PCDH15: variants seen among roughly 807,000 people sequenced by gnomAD.
PCDH15 encodes protocadherin related 15.
A neutral mutation model predicts 178.5 loss-of-function variants in PCDH15; 129 were observed. The observed-to-expected ratio is 0.72, with a 90% CI of 0.63 to 0.84. The LOEUF is 0.84. PCDH15 is among the 40% of genes least tolerant of loss of function. The pLI is 0.00. For synonymous variants in PCDH15, 800 were observed against 732.0 expected, an observed-to-expected ratio of 1.09 and a Z score of -1.50; for missense variants, 2,230 against 2,099.9, an observed-to-expected ratio of 1.06 and a Z score of -1.21.
chr10:54,909,694 C>G (rs983611883), intron 2 of PCDH15, among the ~76,000 whole-genome samples: 6 of 152,076 alleles, frequency 3.9e-5, no homozygotes, highest in Admixed American at 3.9e-4. Flanking sequence ...CTGCTCCCAG[C>G]TCCCAGAGCA....
At chr10:54,848,248 T>A (rs1792086805) in intron 3 of PCDH15, among the ~76,000 whole-genome samples, 1 of 152,042 alleles carries the variant, frequency 6.6e-6, no homozygotes. Context: ...CTGGGCATGG[T>A]GGCAGACGCC....
intron 8 of PCDH15, among the ~76,000 whole-genome samples, chr10:54,298,331 C>A (rs551328696): frequency 6.6e-6 from 1 of 152,258 alleles, no homozygotes; most frequent in East Asian, 1.9e-4. Context: ...CATTATTAAA[C>A]CTGGCAACCT....
chr10:54,435,310 C>T (rs1163445980), intron 3 of PCDH15, among the ~76,000 whole-genome samples: 1 of 152,054 alleles, frequency 6.6e-6, no homozygotes, highest in African/African-American at 2.4e-5. Context: ...TTTTCTTTTT[C>T]TTTTACCTAG....
intron 2 of PCDH15, among the ~76,000 whole-genome samples, chr10:54,638,639 GA>G (rs571622714): frequency 1.8e-4 from 28 of 151,980 alleles, no homozygotes; most frequent in Admixed American, 1.6e-3. Flanking sequence ...ATTTCTCAAA[GA>G]ACTAAAGTAG....
intron 2 of PCDH15, among the ~76,000 whole-genome samples, chr10:55,615,829 T>C (rs1435734407): frequency 3.3e-5 from 5 of 152,120 alleles, no homozygotes; most frequent in Non-Finnish European, 7.4e-5. Flanking sequence ...GTCCAGGAGG[T>C]TGAGTCTGTA....
At chr10:55,544,097 G>A (rs1416402630) in intron 2 of PCDH15, among the ~76,000 whole-genome samples, 4 of 139,412 alleles carry the variant, frequency 2.9e-5, no homozygotes, top group African/African-American at 1.1e-4. Context: ...GATCAACTGA[G>A]TTTAAACATA....
chr10:53,885,785 G>A (rs1469799292), intron 26 of PCDH15, among the ~76,000 whole-genome samples: 1 of 152,022 alleles, frequency 6.6e-6, no homozygotes, highest in Non-Finnish European at 1.5e-5. Context: ...TTCCTCAGTG[G>A]AATAATATTT....
At chr10:55,499,452 C>CAA (rs1490095992) in intron 2 of PCDH15, among the ~76,000 whole-genome samples, 1 of 134,974 alleles carries the variant, frequency 7.4e-6, no homozygotes, top group Non-Finnish European at 1.6e-5. Context: ...CACACACACA[C>CAA]AAATAATGTT....
chr10:55,294,090 G>C (rs890816506), intron 1 of PCDH15, among the ~76,000 whole-genome samples: 4 of 152,154 alleles, frequency 2.6e-5, no homozygotes, highest in South Asian at 4.1e-4. Context: ...AGAAAGCAAG[G>C]GGGAGGAAGT....
chr10:54,163,294 A>G (rs966559510), intron 13 of PCDH15, among the ~76,000 whole-genome samples: 1 of 152,100 alleles, frequency 6.6e-6, no homozygotes, highest in Non-Finnish European at 1.5e-5. Context: ...ACGAGTTTTA[A>G]TTGACTCACA....
chr10:55,341,102 A>G (rs984099871), intron 2 of PCDH15, among the ~76,000 whole-genome samples: 2 of 151,878 alleles, frequency 1.3e-5, no homozygotes, highest in African/African-American at 4.8e-5. Context: ...CAAATAGTGG[A>G]GATTAATTGC....
chr10:54,500,368 T>C (rs1368301266), intron 3 of PCDH15, among the ~76,000 whole-genome samples: 1 of 152,040 alleles, frequency 6.6e-6, no homozygotes, highest in East Asian at 1.9e-4. Flanking sequence ...GGTGACAAGG[T>C]TATTTGTTCA....
chr10:53,838,061 G>A (rs1360376040), intron 29 of PCDH15, among the ~76,000 whole-genome samples: 2 of 151,336 alleles, frequency 1.3e-5, no homozygotes, highest in Non-Finnish European at 2.9e-5. Flanking sequence ...CTGCATGCTC[G>A]GCCTCCTGGG....
chr10:55,389,674 A>T (rs541882328), intron 2 of PCDH15, among the ~76,000 whole-genome samples: 1 of 152,060 alleles, frequency 6.6e-6, no homozygotes, highest in Non-Finnish European at 1.5e-5. Context: ...TCTTATCTTC[A>T]TAAGAGAAAT....
At chr10:53,839,074 G>C (rs1314681685) in intron 29 of PCDH15, among the ~76,000 whole-genome samples, 1 of 151,668 alleles carries the variant, frequency 6.6e-6, no homozygotes, top group African/African-American at 2.4e-5. Flanking sequence ...CGTGGTGGCG[G>C]GCGCCTGTAG....
At chr10:53,815,994 A>G (rs1479175204) in intron 35 of PCDH15, among the ~76,000 whole-genome samples, 1 of 152,202 alleles carries the variant, frequency 6.6e-6, no homozygotes, top group Non-Finnish European at 1.5e-5. Context: ...CGTATTTATT[A>G]GGAATAATGG....
chr10:54,239,260 T>TAATA, intron 8 of PCDH15, among the ~76,000 whole-genome samples: 1 of 152,094 alleles, frequency 6.6e-6, no homozygotes, highest in South Asian at 2.1e-4. Flanking sequence ...ATTCTTTCTA[T>TAATA]AATATATAGA....
chr10:53,904,135 CAATTT>C (rs1283225406), intron 25 of PCDH15, among the ~76,000 whole-genome samples: 2 of 152,070 alleles, frequency 1.3e-5, no homozygotes, highest in Non-Finnish European at 2.9e-5. Flanking sequence ...TTTTAAAAAA[CAATTT>C]AATATGTATA....
At chr10:54,673,906 G>A (rs1269310022) in intron 1 of PCDH15, among the ~76,000 whole-genome samples, 1 of 152,110 alleles carries the variant, frequency 6.6e-6, no homozygotes, top group East Asian at 1.9e-4. Context: ...CACGAATAGA[G>A]TAGAAAATGT....
Sources: allele counts gnomAD v4.1 joint callset (sites outside exome capture counted in the v4.1 genomes callset), GRCh38; gene constraint gnomAD v4.1.1; transcripts MANE v1.5; gene names NCBI Gene and HGNC (gene_info 2026-07-23, HGNC 2026-07-21).